GALNT18: variants seen among roughly 807,000 people sequenced by gnomAD.
GALNT18 encodes GalNAc-transferase 18.
In GALNT18, 44 loss-of-function variants were observed where a neutral mutation model predicts 69.5. That is an observed-to-expected ratio of 0.63 (90% CI 0.50 to 0.81). GALNT18 has a LOEUF of 0.81. Among genes scored for constraint, GALNT18 ranks in the 40% least tolerant of loss-of-function variants. The pLI is 0.00. For missense variants in GALNT18, 715 were observed against 810.0 expected (o/e 0.88, Z 1.42); for synonymous variants, 364 against 318.2 (o/e 1.14, Z -1.53).
At chr11:11,493,123 T>C (rs1049294007) in intron 1 of GALNT18, among the ~76,000 whole-genome samples, 1 of 151,766 alleles carries the variant, frequency 6.6e-6, no homozygotes, top group African/African-American at 2.4e-5. Context: ...TAGCCAGGCA[T>C]GGTGGTGGGT....
rs766990883 is a variant in GALNT18 at position 11,387,238 on chromosome 11, G to A, written c.596-7974C>T. ...GTCCTTCCCTTTCCAGCTGCTTTTC[G>A]TTTCTCTACTTGGCCATCTTTGGGT... On this transcript the variant is annotated intron_variant, in intron 3 of 10. Transcript: ENST00000227756. The surrounding 1 kb of genome is among the most constrained non-coding windows in gnomAD (Gnocchi z 4.6). Among the ~76,000 whole-genome samples the A allele has an allele frequency of 6.6e-5, 10 of 152,034 alleles. No homozygotes were observed. The highest frequency in any genetic ancestry group is 1.2e-4 in the Non-Finnish European group (8 of 68,022).
rs1012732681 is a variant in GALNT18, at chr11:11,614,926, G to A, written c.235+6433C>T. On this transcript the variant is annotated intron_variant, in intron 1 of 10. Transcript: ENST00000227756. This position sits in a 1 kb window ranked among gnomAD's most constrained non-coding sequence, Gnocchi z 5.6. ...CTAAAAATGAAGATTCTTTGGTCAC[G>A]GGGAAAAGTTGTGTCCTTTGGCAAG... Among the ~76,000 whole-genome samples, 10 of 152,180 alleles carry A rather than the reference G, an allele frequency of 6.6e-5. No homozygotes were observed. Among genetic ancestry groups the A allele is most frequent in the Admixed American group, 3.3e-4 (5 of 15,280 alleles).
In GALNT18 at chr11:11,337,769, G is replaced by A. The variant is rs1010831222; in HGVS notation, c.1278+3050C>T. ...GTGTGAGAAACAGCATGGCATGGAC[G>A]GTATGTAATGGGCAGTTCCCATAGT... On this transcript the variant is annotated intron_variant, in intron 7 of 10. Coordinates refer to ENST00000227756, the MANE Select transcript of GALNT18 (RefSeq NM_198516.3). This position sits in a 1 kb window ranked among gnomAD's most constrained non-coding sequence, Gnocchi z 4.9. 6.6e-6 allele frequency among the ~76,000 whole-genome samples: 1 copy of A among 152,008 alleles called. No individual in the cohort carries two copies. The highest frequency in any genetic ancestry group is 1.5e-5 in the Non-Finnish European group (1 of 68,018).
In GALNT18 at chr11:11,463,209, G is replaced by GACAC. The variant is rs10577248; in HGVS notation, c.236-14277_236-14274dup. Among the ~76,000 whole-genome samples the GACAC allele has an allele frequency of 6.7e-6, 1 of 149,962 alleles. No individual in the cohort carries two copies. Among genetic ancestry groups the GACAC allele is most frequent in the East Asian group, 2.0e-4 (1 of 5,118 alleles). On this transcript the variant is annotated intron_variant, in intron 1 of 10. Transcript: ENST00000227756. This position sits in a 1 kb window ranked among gnomAD's most constrained non-coding sequence, Gnocchi z 4.2. Reference sequence around the variant, plus strand: ...ACATACACACTCAGACAGACAGACAGACACACACACACACACAGAGAGAGA... The same window carrying GACAC: ...ACATACACACTCAGACAGACAGACAGACACACACACACACACACACAGAGAGAGA...
chr11:11,317,999 G>A (rs573420084), intron 9 of GALNT18, among the ~76,000 whole-genome samples: 1 of 152,278 alleles, frequency 6.6e-6, no homozygotes, highest in South Asian at 2.1e-4. Flanking sequence ...ATTTGTCAGA[G>A]ATGACATTGA....
intron 3 of GALNT18, among the ~76,000 whole-genome samples, chr11:11,411,592 C>T (rs1339837299): frequency 6.6e-6 from 1 of 152,206 alleles, no homozygotes; most frequent in Non-Finnish European, 1.5e-5. Flanking sequence ...GACGGCCATC[C>T]TTCTACAGCA....
chr11:11,435,408 G>A lies in GALNT18; in HGVS notation c.429-2621C>T. On this transcript the variant is annotated intron_variant, in intron 2 of 10. Coordinates refer to ENST00000227756, the MANE Select transcript of GALNT18 (RefSeq NM_198516.3). The surrounding 1 kb of genome is among the most constrained non-coding windows in gnomAD (Gnocchi z 4.4). ...CTTTCTCCACGCAGAATGAAATGCT[G>A]TATTTGTATAATAAGCTAAGCCCTG... 6.6e-6 allele frequency among the ~76,000 whole-genome samples: 1 copy of A among 152,202 alleles called. No homozygotes were observed. Among genetic ancestry groups the A allele is most frequent in the East Asian group, 1.9e-4 (1 of 5,200 alleles).
intron 9 of GALNT18, among the ~76,000 whole-genome samples, chr11:11,308,413 G>A (rs1849614319): frequency 6.6e-6 from 1 of 152,062 alleles, no homozygotes; most frequent in South Asian, 2.1e-4. Context: ...GATATGCTCT[G>A]TGCTTCGTCC....
intron 1 of GALNT18, among the ~76,000 whole-genome samples, chr11:11,557,450 A>G (rs1470118861): frequency 1.3e-5 from 2 of 152,176 alleles, no homozygotes; most frequent in Non-Finnish European, 2.9e-5. Flanking sequence ...CCTATGGAAG[A>G]AGCCTCCTTC....
At chr11:11,292,089 A>G (rs773677321) in intron 10 of GALNT18, among the ~76,000 whole-genome samples, 16 of 152,074 alleles carry the variant, frequency 1.1e-4, no homozygotes, top group Non-Finnish European at 2.1e-4. Context: ...GACTCCTGCC[A>G]CTCAGTTCCA....
Position 11,620,607 on chromosome 11 carries a change from G to C in GALNT18, c.235+752C>G, listed in dbSNP as rs1304580452. 1.3e-5 allele frequency among the ~76,000 whole-genome samples: 2 copies of C among 152,196 alleles called. No homozygotes were observed. Among genetic ancestry groups the C allele is most frequent in the Non-Finnish European group, 2.9e-5 (2 of 68,028 alleles). ...CACCCGGTCCCGGGCGGCTCCGCGGGGAAGGCGCAGCCCAGGGCGTGTTCT... is the reference window on the plus strand; with the variant it reads ...CACCCGGTCCCGGGCGGCTCCGCGGCGAAGGCGCAGCCCAGGGCGTGTTCT... On this transcript the variant is annotated intron_variant, in intron 1 of 10. Transcript: ENST00000227756. The surrounding 1 kb of genome is among the most constrained non-coding windows in gnomAD (Gnocchi z 6.9).
At chr11:11,346,954 C>T (rs114664733) in intron 6 of GALNT18, among the ~76,000 whole-genome samples, 36 of 152,156 alleles carry the variant, frequency 2.4e-4, no homozygotes, top group South Asian at 1.2e-3. Context: ...AATAATGATT[C>T]CCCAGGTTTA....
intron 10 of GALNT18, among the ~76,000 whole-genome samples, chr11:11,291,092 G>C (rs1162102854): frequency 6.6e-6 from 1 of 152,200 alleles, no homozygotes; most frequent in East Asian, 1.9e-4. Flanking sequence ...GGAGGGAAAT[G>C]TAGCCTCATC....
chr11:11,455,452 G>T (rs1564958317), intron 1 of GALNT18, among the ~76,000 whole-genome samples: 1 of 152,160 alleles, frequency 6.6e-6, no homozygotes, highest in Non-Finnish European at 1.5e-5. Context: ...TAAAGGAAAA[G>T]ATGCTTGAAT....
chr11:11,597,598 T>C (rs1859530597), intron 1 of GALNT18, among the ~76,000 whole-genome samples: 1 of 152,102 alleles, frequency 6.6e-6, no homozygotes, highest in Non-Finnish European at 1.5e-5. Context: ...TTATAATCCT[T>C]CTTTATTTCT....
chr11:11,298,999 CAATCT>C, intron 9 of GALNT18, among the ~76,000 whole-genome samples: 2 of 152,240 alleles, frequency 1.3e-5, no homozygotes, highest in South Asian at 4.1e-4. Flanking sequence ...TTGATATGGC[CAATCT>C]ACGTATTTTT....
At chr11:11,492,213 G>A (rs1045779406) in intron 1 of GALNT18, among the ~76,000 whole-genome samples, 20 of 152,224 alleles carry the variant, frequency 1.3e-4, no homozygotes, top group African/African-American at 3.1e-4. Flanking sequence ...ACAGTTACTC[G>A]TACTGCTGTG....
intron 1 of GALNT18, among the ~76,000 whole-genome samples, chr11:11,458,593 C>T (rs1176920733): frequency 6.6e-6 from 1 of 152,214 alleles, no homozygotes. Flanking sequence ...TTGGGCCTTG[C>T]CCGAGAAGCC....
intron 10 of GALNT18, 92 bp downstream of exon 10, chr11:11,292,937 T>TCCCCTC: frequency 1.7e-6 from 2 of 1,190,020 alleles, no homozygotes; most frequent in East Asian, 5.7e-5. Flanking sequence ...TCCTTCCCCT[T>TCCCCTC]CCCCTCTCCT....
Sources: allele counts gnomAD v4.1 joint callset (sites outside exome capture counted in the v4.1 genomes callset), GRCh38; gene constraint gnomAD v4.1.1; non-coding constraint Gnocchi (gnomAD v3.1); transcripts MANE v1.5; gene names NCBI Gene and HGNC (gene_info 2026-07-23, HGNC 2026-07-21).